Variants in PCDHA3 observed in about 807,000 individuals in gnomAD.
PCDHA3 encodes protocadherin alpha-3.
In PCDHA3, 41 loss-of-function variants were observed where a neutral mutation model predicts 62.2. That is an observed-to-expected ratio of 0.66 (90% CI 0.51 to 0.86). The LOEUF is 0.86. PCDHA3 is among the 40% of genes least tolerant of loss of function. The pLI, the probability that PCDHA3 is intolerant of heterozygous loss-of-function variation, is 0.00. For synonymous variants in PCDHA3, 640 were observed against 555.4 expected (o/e 1.15, Z -2.14); for missense variants, 1,304 against 1,241.2 (o/e 1.05, Z -0.76).
In PCDHA3 at chr5:140,850,319, A is replaced by G; in HGVS notation, c.2394+46728A>G. The G allele has an allele frequency of 2.5e-6, 4 of 1,597,562 alleles. 1 individual carries two copies. The highest frequency in any genetic ancestry group is 1.1e-5 in the South Asian group (1 of 90,528). Reference sequence around the variant, plus strand: ...ACTCGGGCTACAACGCGTGGCTTTCATACGAGCTGCAGCCAGAAACGGCCA... The same window carrying G: ...ACTCGGGCTACAACGCGTGGCTTTCGTACGAGCTGCAGCCAGAAACGGCCA... On this transcript the variant is annotated intron_variant, in intron 1 of 3. Coordinates refer to ENST00000522353, the MANE Select transcript of PCDHA3 (RefSeq NM_018906.3).
chr5:140,882,346 G>A (rs146510190), intron 1 of PCDHA3: 86 of 1,614,078 alleles, frequency 5.3e-5, no homozygotes, highest in African/African-American at 9.3e-5. Flanking sequence ...CCTGGGAGAC[G>A]GGTAGTGGCC....
intron 1 of PCDHA3, among the ~76,000 whole-genome samples, chr5:140,956,602 G>T (rs541025327): frequency 2.6e-5 from 4 of 152,212 alleles, no homozygotes. Flanking sequence ...GATATCAGCT[G>T]GAAGTTTTCC....
chr5:140,950,646 G>T (rs1221939583), intron 1 of PCDHA3, among the ~76,000 whole-genome samples: 2 of 151,884 alleles, frequency 1.3e-5, no homozygotes, highest in African/African-American at 4.8e-5. Context: ...TCCTGTTTAT[G>T]GTTGGCTGAG....
chr5:140,954,698 A>C (rs185399105), intron 1 of PCDHA3, among the ~76,000 whole-genome samples: 5 of 152,208 alleles, frequency 3.3e-5, no homozygotes, highest in African/African-American at 1.2e-4. Context: ...TAGACTACAA[A>C]ATTTTTCTCC....
chr5:140,980,085 T>C (rs1294414077), intron 2 of PCDHA3, among the ~76,000 whole-genome samples: 1 of 152,242 alleles, frequency 6.6e-6, no homozygotes, highest in Non-Finnish European at 1.5e-5. Context: ...AGATTAGTAG[T>C]TGGCTTGGTA....
intron 1 of PCDHA3, among the ~76,000 whole-genome samples, chr5:140,912,281 A>G (rs571303094): frequency 3.3e-5 from 5 of 152,200 alleles, no homozygotes; most frequent in Non-Finnish European, 7.4e-5. Context: ...ATACCCAGGA[A>G]CAATACTTTG....
chr5:140,838,063 A>C (rs1775401447), intron 1 of PCDHA3, among the ~76,000 whole-genome samples: 1 of 128,138 alleles, frequency 7.8e-6, no homozygotes. Flanking sequence ...TTCCACTTTA[A>C]GTTATATATA....
chr5:140,906,021 A>G (rs1422492231), intron 1 of PCDHA3, among the ~76,000 whole-genome samples: 1 of 152,182 alleles, frequency 6.6e-6, no homozygotes, highest in African/African-American at 2.4e-5. Context: ...TAATCTCTCC[A>G]CGTTCTTCTG....
chr5:140,888,753 A>G (rs1237459726), intron 1 of PCDHA3, among the ~76,000 whole-genome samples: 1 of 149,022 alleles, frequency 6.7e-6, no homozygotes, highest in Non-Finnish European at 1.5e-5. Flanking sequence ...TATTCTACCC[A>G]CTTTTTTTTT....
intron 1 of PCDHA3, chr5:140,829,494 A>G (rs1366081374): frequency 1.9e-6 from 3 of 1,613,224 alleles, no homozygotes; most frequent in Admixed American, 3.3e-5. Flanking sequence ...AAGGAGAACA[A>G]CCCGCCGGGC....
Position 140,863,280 on chromosome 5 carries a change from C to T in PCDHA3, c.2394+59689C>T, listed in dbSNP as rs782682336. The T allele has an allele frequency of 3.4e-6, 5 of 1,461,684 alleles. No individual in the cohort carries two copies. The African/African-American group carries it at 5.7e-5, about 17-fold the overall frequency. 90.5% of individuals were successfully genotyped at this position (1,461,684 alleles called of 1,614,324 possible). A position where few individuals can be genotyped will look rare whatever the true frequency, so the allele number is the denominator to read the frequency against. On this transcript the variant is annotated intron_variant, in intron 1 of 3. Coordinates refer to ENST00000522353, the MANE Select transcript of PCDHA3 (RefSeq NM_018906.3). ...TCCGGGAGGCAGCGCTGGTGGATGT[C>T]AACGTGTACCTGATCATCGCCATCT...
chr5:140,875,002 T>C (rs1441765842), intron 1 of PCDHA3, among the ~76,000 whole-genome samples: 2 of 152,238 alleles, frequency 1.3e-5, no homozygotes, highest in African/African-American at 4.8e-5. Context: ...TCATTTTCCA[T>C]GATAAAGTGT....
At chr5:140,917,337 G>GA (rs1240219857) in intron 1 of PCDHA3, among the ~76,000 whole-genome samples, 3 of 142,560 alleles carry the variant, frequency 2.1e-5, no homozygotes, top group Non-Finnish European at 4.7e-5. Context: ...GGGAGGGGGG[G>GA]GATGGTGTAG....
chr5:140,960,438 T>C (rs1403944664), intron 1 of PCDHA3, among the ~76,000 whole-genome samples: 4 of 152,180 alleles, frequency 2.6e-5, no homozygotes, highest in African/African-American at 9.7e-5. Context: ...ATACTCTAGA[T>C]ATATGTATGG....
At chr5:140,861,600 A>G (rs782505060) in intron 1 of PCDHA3, 3 of 371,010 alleles carry the variant, frequency 8.1e-6, no homozygotes, top group Non-Finnish European at 1.6e-5. Context: ...GAAAGTGAAG[A>G]ACAATAAAGA....
At chr5:140,895,143 A>C (rs115893558) in intron 1 of PCDHA3, among the ~76,000 whole-genome samples, 3,577 of 152,272 alleles carry the variant, frequency 0.023, 51 homozygotes, top group Middle Eastern at 0.034. Flanking sequence ...CATAGGGCTA[A>C]GACAGGTTTA....
chr5:140,830,344 G>A, intron 1 of PCDHA3: 2 of 1,614,112 alleles, frequency 1.2e-6, no homozygotes, highest in Non-Finnish European at 1.7e-6. Flanking sequence ...GGTCGTACTC[G>A]CAGCAGAGGC....
chr5:140,849,100 G>C lies in PCDHA3; in HGVS notation c.2394+45509G>C, dbSNP rs1554142751. 2.0e-6 allele frequency: 3 copies of C among 1,471,168 alleles called. No individual in the cohort carries two copies. The Admixed American group carries it at 6.2e-5, about 30-fold the overall frequency. The allele number at this position is 1,471,168 out of a possible 1,614,324, so 91.1% of individuals were successfully genotyped here. A position where few individuals can be genotyped will look rare whatever the true frequency, so the allele number is the denominator to read the frequency against. Reference sequence around the variant, plus strand: ...CTTGTATTACGGAAACTTTTAGACAGAGAAGAAACTCCGGAGCTTCATTTA... The same window carrying C: ...CTTGTATTACGGAAACTTTTAGACACAGAAGAAACTCCGGAGCTTCATTTA... On this transcript the variant is annotated intron_variant, in intron 1 of 3. Transcript: ENST00000522353.
intron 1 of PCDHA3, chr5:140,822,153 T>C (rs2150114152): frequency 6.2e-7 from 1 of 1,614,244 alleles, no homozygotes; most frequent in South Asian, 1.1e-5. Context: ...AGGACATCAA[T>C]GACAATCCGC....
Sources: gnomAD v4.1 joint callset for allele counts (sites outside exome capture counted in the v4.1 genomes callset) on GRCh38, gnomAD v4.1.1 for gene constraint, MANE v1.5 for transcripts, NCBI Gene and HGNC (gene_info 2026-07-23, HGNC 2026-07-21) for gene names.